Variants in TMEM87A observed in about 807,000 individuals in gnomAD.
TMEM87A encodes transmembrane protein 87A.
In TMEM87A, 50 loss-of-function variants were observed where a neutral mutation model predicts 90.0. That is an observed-to-expected ratio of 0.56 (90% CI 0.44 to 0.70). The LOEUF is 0.70. Ranked by LOEUF, TMEM87A falls within the 30% of genes least tolerant of loss-of-function variation. The pLI, the probability that TMEM87A is intolerant of heterozygous loss-of-function variation, is 0.00. For synonymous variants in TMEM87A, 226 were observed against 226.7 expected (o/e 1.00, Z 0.03); for missense variants, 577 against 660.5 (o/e 0.87, Z 1.39).
intron 15 of TMEM87A, chr15:42,224,638 A>G (rs1373300698): frequency 1.3e-5 from 2 of 152,242 alleles, no homozygotes; most frequent in Non-Finnish European, 2.9e-5. Context: ...GGACCCTGAC[A>G]CACCTCAAAC....
rs74009028 is a variant in TMEM87A, at chr15:42,234,263, C to T, written c.969-957G>A. 6.1e-3 allele frequency among the ~76,000 whole-genome samples: 932 copies of T among 152,314 alleles called. 8 individuals are homozygous for T. Among genetic ancestry groups the T allele is most frequent in the African/African-American group, 0.021 (892 of 41,568 alleles). On this transcript the variant is annotated intron_variant, in intron 10 of 19. Coordinates refer to ENST00000389834, the MANE Select transcript of TMEM87A (RefSeq NM_015497.5). Reference sequence around the variant, plus strand: ...CTGTTTGAAGGAGAAAAAGTCTTAACTCCTTGAGATTCAAAATCCTACACA... The same window carrying T: ...CTGTTTGAAGGAGAAAAAGTCTTAATTCCTTGAGATTCAAAATCCTACACA...
intron 6 of TMEM87A, among the ~76,000 whole-genome samples, chr15:42,246,358 C>T (rs1257865784): frequency 6.6e-6 from 1 of 152,026 alleles, no homozygotes. Flanking sequence ...AGGTTTGTTA[C>T]ATAGGTATAC....
intron 6 of TMEM87A, among the ~76,000 whole-genome samples, chr15:42,252,908 C>T (rs1008492387): frequency 2.0e-5 from 3 of 152,154 alleles, no homozygotes; most frequent in East Asian, 1.9e-4. Context: ...ACTCTGGAAA[C>T]CACAATCTGC....
intron 13 of TMEM87A, 128 bp from the exon 14 acceptor site, chr15:42,227,897 T>A: frequency 1.3e-6 from 1 of 743,930 alleles, no homozygotes; most frequent in Non-Finnish European, 2.3e-6. Flanking sequence ...ACTCTATCAG[T>A]TATTTTAACA....
chr15:42,257,490 G>C (rs1252809205), intron 6 of TMEM87A, among the ~76,000 whole-genome samples: 1 of 152,118 alleles, frequency 6.6e-6, no homozygotes, highest in African/African-American at 2.4e-5. Flanking sequence ...AGAACAGTGA[G>C]CCAAATAAAC....
chr15:42,269,513 G>A (rs920065367), intron 2 of TMEM87A, among the ~76,000 whole-genome samples: 3 of 152,094 alleles, frequency 2.0e-5, no homozygotes, highest in African/African-American at 7.2e-5. Flanking sequence ...TCCATACAGG[G>A]ACAGGATTAA....
chr15:42,222,197 T>G (rs1401480970), intron 15 of TMEM87A, among the ~76,000 whole-genome samples: 1 of 152,118 alleles, frequency 6.6e-6, no homozygotes, highest in Non-Finnish European at 1.5e-5. Flanking sequence ...TAGCTGGGAT[T>G]ACAGGCATGT....
At position 42,231,182 on chromosome 15, in the gene TMEM87A, A is replaced by C; in HGVS notation, c.1131+10T>G. On this transcript the variant is annotated intron_variant, in intron 12 of 19. Transcript: ENST00000389834. ...TGGACCATCATCAAACAAGCCAATG[A>C]GAAGGATATCCACCAGCACAAGGCA... The C allele has an allele frequency of 6.3e-7, 1 of 1,594,734 alleles. No homozygotes were observed. The highest frequency in any genetic ancestry group is 8.5e-7 in the Non-Finnish European group (1 of 1,173,828).
chr15:42,257,911 A>G lies in TMEM87A; in HGVS notation c.504+3047T>C, dbSNP rs1393948138. 3.0e-6 allele frequency: 3 copies of G among 983,818 alleles called. No homozygotes were observed. The African/African-American group carries it at 5.2e-5, about 17-fold the overall frequency. 60.9% of individuals were successfully genotyped at this position (983,818 alleles called of 1,614,324 possible). On this transcript the variant is annotated intron_variant, in intron 6 of 19. Transcript: ENST00000389834. Reference sequence around the variant, plus strand: ...TGGTTAATATGCATGTGCTCTGTGTAATCACACCAAACTGCTAAAACTATT... The same window carrying G: ...TGGTTAATATGCATGTGCTCTGTGTGATCACACCAAACTGCTAAAACTATT...
At chr15:42,271,359 C>G (rs2140996346) in intron 2 of TMEM87A, among the ~76,000 whole-genome samples, 1 of 152,178 alleles carries the variant, frequency 6.6e-6, no homozygotes, top group East Asian at 1.9e-4. Context: ...TTAACAAGCA[C>G]ACAAGAGTAA....
chr15:42,235,892 G>C (rs1199821440), intron 10 of TMEM87A, among the ~76,000 whole-genome samples: 3 of 152,078 alleles, frequency 2.0e-5, no homozygotes, highest in Non-Finnish European at 2.9e-5. Context: ...CCAGGGCCTA[G>C]AACAATGCCT....
intron 10 of TMEM87A, 48 bp downstream of exon 10, chr15:42,236,272 T>A: frequency 1.3e-6 from 2 of 1,483,094 alleles, no homozygotes; most frequent in Non-Finnish European, 1.9e-6. Flanking sequence ...CTGTTTTAAT[T>A]TAATCAGCAT....
intron 19 of TMEM87A, among the ~76,000 whole-genome samples, chr15:42,216,236 A>G (rs544067629): frequency 2.4e-4 from 37 of 152,324 alleles, no homozygotes; most frequent in African/African-American, 8.9e-4. Flanking sequence ...GGAGGGGGAA[A>G]GCAAGAGTTG....
intron 1 of TMEM87A, chr15:42,272,770 G>T: frequency 2.7e-6 from 1 of 364,392 alleles, no homozygotes; most frequent in South Asian, 2.1e-5. Flanking sequence ...ACACAGTAAA[G>T]CTTAGAATAG....
intron 6 of TMEM87A, chr15:42,259,008 G>C (rs2051235662): frequency 1.3e-6 from 1 of 778,824 alleles, no homozygotes; most frequent in Admixed American, 2.0e-5. Flanking sequence ...AGAAAAGCAA[G>C]CTTGAGATGT....
chr15:42,225,457 G>A (rs2050573796), intron 15 of TMEM87A, among the ~76,000 whole-genome samples: 1 of 152,292 alleles, frequency 6.6e-6, no homozygotes, highest in East Asian at 1.9e-4. Context: ...ATTACAAAGT[G>A]AGCTGGGCTG....
At chr15:42,231,363 T>C in intron 11 of TMEM87A, 103 bp from the exon 12 acceptor site, 1 of 841,118 alleles carries the variant, frequency 1.2e-6, no homozygotes, top group Non-Finnish European at 1.8e-6. Context: ...GGAAAGTTTT[T>C]GCATTGAACT....
intron 3 of TMEM87A, among the ~76,000 whole-genome samples, chr15:42,265,931 C>T (rs1264779535): frequency 2.0e-5 from 3 of 152,164 alleles, no homozygotes; most frequent in African/African-American, 7.2e-5. Flanking sequence ...CTGCATATGG[C>T]CAGCACGCTA....
chr15:42,218,686 T>G (rs886442306), intron 17 of TMEM87A, among the ~76,000 whole-genome samples: 1 of 152,226 alleles, frequency 6.6e-6, no homozygotes, highest in Non-Finnish European at 1.5e-5. Flanking sequence ...GCCTGGCTTA[T>G]TTTGCTTAAC....
Sources: gnomAD v4.1 joint callset for allele counts (sites outside exome capture counted in the v4.1 genomes callset) on GRCh38, gnomAD v4.1.1 for gene constraint, MANE v1.5 for transcripts, NCBI Gene and HGNC (gene_info 2026-07-23, HGNC 2026-07-21) for gene names.